Variants in CCDC159 observed in about 807,000 individuals in gnomAD.
CCDC159 encodes the protein coiled-coil domain-containing protein 159.
CCDC159 carries 40 observed loss-of-function variants against 50.9 expected under a neutral mutation model. The ratio of observed to expected loss-of-function variants is 0.79; its 90% CI spans 0.61 to 1.02. The LOEUF is 1.02. CCDC159 is among the 50% of genes least tolerant of loss of function. The probability of loss-of-function intolerance (pLI) is 0.00; values close to 1 mark genes in which losing one functional copy is unlikely to be tolerated. For missense variants in CCDC159, 356 were observed against 371.5 expected (o/e 0.96, Z 0.34); for synonymous variants, 146 against 138.9 (o/e 1.05, Z -0.36).
chr19:11,350,701 A>T, intron 4 of CCDC159, 107 bp from the exon 5 acceptor site: 1 of 1,129,020 alleles, frequency 8.9e-7, no homozygotes, highest in Non-Finnish European at 1.2e-6. Flanking sequence ...CAGCTGGGCC[A>T]GGCCAGGGTG....
intron 8 of CCDC159, 79 bp downstream of exon 8, chr19:11,353,651 A>C: frequency 6.3e-7 from 1 of 1,596,734 alleles, no homozygotes; most frequent in Non-Finnish European, 8.5e-7. Flanking sequence ...TGACCACCAG[A>C]ACCTGGAGCC....
At chr19:11,351,150 A>G in intron 5 of CCDC159, 147 bp downstream of exon 5, 1 of 849,820 alleles carries the variant, frequency 1.2e-6, no homozygotes, top group Non-Finnish European at 1.8e-6. Flanking sequence ...AAGAAGAGGG[A>G]ATGAGGCCGG....
In CCDC159 at chr19:11,353,530, G is replaced by A. The variant is rs1332935618; in HGVS notation, c.647G>A (p.Gly216Asp). The part of the protein sequence containing the change: ...ETEEIPQGAS[G>D]CWKDDLQKEL... ...GAAGAGATACCGCAGGGAGCCAGTGGCTGCTGGAAGGATGACCTCCAGAAG... is the reference window on the plus strand; with the variant it reads ...GAAGAGATACCGCAGGGAGCCAGTGACTGCTGGAAGGATGACCTCCAGAAG... The change falls in exon 8 of 11, where the codon GGC becomes GAC. Residue 216 changes from glycine to aspartate, a missense_variant. Transcript: ENST00000458408. 2 of 1,613,552 alleles carry A rather than the reference G, an allele frequency of 1.2e-6. No individual in the cohort carries two copies.
Position 11,349,991 on chromosome 19 carries a change from G to T in CCDC159, c.109G>T (p.Glu37Ter). 1 of 1,613,742 alleles carries T rather than the reference G, an allele frequency of 6.2e-7. No homozygotes were observed. Among genetic ancestry groups the T allele is most frequent in the Non-Finnish European group, 8.5e-7 (1 of 1,179,832 alleles). The change falls in exon 3 of 11, where the codon GAG (glutamate) becomes TAG (stop). Residue 37 changes from glutamate (E) to a stop codon, truncating the protein, a stop_gained. Transcript: ENST00000458408. LOFTEE classifies it high-confidence loss of function. ...DSQKLLRCEL[E>*]SLKSQLQAQT... Reference sequence around the variant, plus strand: ...CCAGAAGCTCCTGCGATGTGAACTTGAGTCACTCAAGAGCCAGTTACAGGC... The same window carrying T: ...CCAGAAGCTCCTGCGATGTGAACTTTAGTCACTCAAGAGCCAGTTACAGGC...
At chr19:11,348,194 T>C (rs1261668872) in intron 1 of CCDC159, 1 of 456,092 alleles carries the variant, frequency 2.2e-6, no homozygotes, top group Non-Finnish European at 4.4e-6. Context: ...CTTTTTTCTT[T>C]GGACTCTTCT....
Position 11,350,877 on chromosome 19 carries a change from A to T in CCDC159, c.296A>T (p.Gln99Leu). The T allele has an allele frequency of 6.4e-7, 1 of 1,552,176 alleles. No homozygotes were observed. The highest frequency in any genetic ancestry group is 2.4e-5 in the East Asian group (1 of 41,080). Residue 99 changes from glutamine (Q) to leucine (L), a missense_variant, in exon 5 of 11, where the codon CAG (glutamine) becomes CTG (leucine). Coordinates refer to ENST00000458408, the MANE Select transcript of CCDC159 (RefSeq NM_001080503.3). ...AAGTGGGGCATGGAGCAGGGCCGGC[A>T]GGAGCTGTATGGGGCCCTGACCCAA... ...EHKWGMEQGR[Q>L]ELYGALTQGL...
intron 4 of CCDC159, among the ~76,000 whole-genome samples, chr19:11,350,544 T>C (rs1335872740): frequency 1.3e-5 from 2 of 152,022 alleles, no homozygotes; most frequent in Non-Finnish European, 2.9e-5. Context: ...TCCCAGCCAC[T>C]CAGGAGGCTG....
intron 7 of CCDC159, chr19:11,352,403 C>G: frequency 4.5e-6 from 2 of 442,168 alleles, no homozygotes; most frequent in Non-Finnish European, 8.3e-6. Context: ...ATCAGAAGTT[C>G]GAGACCAGCC....
At position 11,351,989 on chromosome 19, in the gene CCDC159, C is replaced by G; in HGVS notation, c.490+16C>G. On this transcript the variant is annotated intron_variant, in intron 6 of 10. Transcript: ENST00000458408. ...CAGAAGCTCCGTGAGTTCCTGGAGC[C>G]CACAGCCGGTGTGTGGGGAGGGGGT... 1 of 1,610,836 alleles carries G rather than the reference C, an allele frequency of 6.2e-7. No individual in the cohort carries two copies.
chr19:11,354,564 C>A lies in CCDC159; in HGVS notation c.773-16C>A, dbSNP rs751971157. On this transcript the variant is annotated splice_polypyrimidine_tract_variant and intron_variant, in intron 9 of 10. Coordinates refer to ENST00000458408, the MANE Select transcript of CCDC159 (RefSeq NM_001080503.3). The stretch of plus-strand genomic sequence containing the variant: ...TTACTTGAGGGTCACATTCAGGGAA[C>A]CTGTCCCTCCTGCAGGCCACAAGGG... 26 of 1,563,424 alleles carry A rather than the reference C, an allele frequency of 1.7e-5. No individual in the cohort carries two copies. Among genetic ancestry groups the A allele is most frequent in the South Asian group, 5.9e-5 (5 of 84,734 alleles).
chr19:11,348,315 G>C (rs1483222217), intron 1 of CCDC159, among the ~76,000 whole-genome samples: 1 of 152,114 alleles, frequency 6.6e-6, no homozygotes, highest in East Asian at 1.9e-4. Context: ...TGGAGACTGA[G>C]TCTCACTCTG....
chr19:11,350,201 T>A lies in CCDC159; in HGVS notation c.226+2T>A. 6.2e-7 allele frequency: 1 copy of A among 1,608,346 alleles called. No individual in the cohort carries two copies. The highest frequency in any genetic ancestry group is 8.5e-7 in the Non-Finnish European group (1 of 1,177,896). ...AAATCAAGATTCAGCAGCTTGAAGG[T>A]GAGGACTGACCAGAGATCAAGGTCA... is the stretch of plus-strand genomic sequence containing the variant. On this transcript the variant is annotated splice_donor_variant, in intron 4 of 10. Coordinates refer to ENST00000458408, the MANE Select transcript of CCDC159 (RefSeq NM_001080503.3). LOFTEE classifies it high-confidence loss of function.
chr19:11,354,806 T>C, intron 10 of CCDC159, 67 bp from the exon 11 acceptor site: 1 of 1,612,170 alleles, frequency 6.2e-7, no homozygotes, highest in Admixed American at 1.7e-5. Flanking sequence ...GGGCATGCGG[T>C]CCCTGACCTG....
rs1019104254 is a variant in CCDC159, at chr19:11,351,146, A to T, written c.422+143A>T. The T allele has an allele frequency of 1.5e-5, 13 of 866,784 alleles. No individual in the cohort carries two copies. The Admixed American group carries it at 3.9e-4, about 26-fold the overall frequency. 53.7% of individuals were successfully genotyped at this position (866,784 alleles called of 1,614,324 possible). On this transcript the variant is annotated intron_variant, in intron 5 of 10. Transcript: ENST00000458408. ...GGTGGAAAGCCTGAGGGACAAGAAG[A>T]GGGAATGAGGCCGGGTGTGGTGGCT...
intron 1 of CCDC159, chr19:11,349,217 C>T (rs1967437404): frequency 7.7e-7 from 1 of 1,290,632 alleles, no homozygotes. Flanking sequence ...CCGGGAAACC[C>T]CTTCAATGCA....
At chr19:11,353,317 G>T (rs983098228) in intron 7 of CCDC159, 134 bp from the exon 8 acceptor site, 3 of 869,708 alleles carry the variant, frequency 3.4e-6, no homozygotes, top group Admixed American at 6.2e-5. Context: ...AGCCAGGATG[G>T]TCTCAATCTC....
rs1967694276 is a variant in CCDC159, at chr19:11,353,447, C to A, written c.568-4C>A. ...TGCTGTTCTCTCATCCCTCCCCACC[C>A]CAGATCCTGACCAAGATGAAGCAGC... On this transcript the variant is annotated splice_polypyrimidine_tract_variant and splice_region_variant and intron_variant, in intron 7 of 10. Transcript: ENST00000458408. 6.4e-7 allele frequency: 1 copy of A among 1,567,574 alleles called. No individual in the cohort carries two copies. Among genetic ancestry groups the A allele is most frequent in the African/African-American group, 1.4e-5 (1 of 73,672 alleles).
In CCDC159 at chr19:11,354,831, C is replaced by T. The variant is rs531904177; in HGVS notation, c.890-42C>T. The T allele has an allele frequency of 4.3e-6, 7 of 1,612,958 alleles. No individual in the cohort carries two copies. The South Asian group carries it at 7.7e-5, about 18-fold the overall frequency. On this transcript the variant is annotated intron_variant, in intron 10 of 10. Transcript: ENST00000458408. ...TCCCTGACCTGCAGCCCCGGAGTCCCCTGGACCTGGCCAGGCCCTGACCCA... is the reference window on the plus strand; with the variant it reads ...TCCCTGACCTGCAGCCCCGGAGTCCTCTGGACCTGGCCAGGCCCTGACCCA...
intron 1 of CCDC159, chr19:11,348,829 A>G (rs559872278): frequency 1.2e-4 from 68 of 569,808 alleles, no homozygotes; most frequent in Non-Finnish European, 2.2e-4. Flanking sequence ...ACCCTCCAGC[A>G]TGTGTTTGCC....
Sources: gnomAD v4.1 joint callset for allele counts (sites outside exome capture counted in the v4.1 genomes callset) on GRCh38, gnomAD v4.1.1 for gene constraint, MANE v1.5 for transcripts, NCBI Gene and HGNC (gene_info 2026-07-23, HGNC 2026-07-21) for gene names.